The following SMOC2 variants were observed in gnomAD, a reference collection of about 807,000 sequenced individuals.
The protein encoded by SMOC2 is SPARC related modular calcium binding 2.
Under a neutral mutation model 61.4 loss-of-function variants are expected in SMOC2, and 39 were observed. The observed-to-expected ratio is 0.64, with a 90% CI of 0.49 to 0.83. SMOC2 has a LOEUF of 0.83. SMOC2 is among the 40% of genes least tolerant of loss of function. The probability of loss-of-function intolerance (pLI) is 0.00; values close to 1 mark genes in which losing one functional copy is unlikely to be tolerated. For missense variants in SMOC2, 556 were observed against 592.9 expected (o/e 0.94, Z 0.65); for synonymous variants, 247 against 239.9 (o/e 1.03, Z -0.27).
chr6:168,498,954 C>T (rs1334759490), intron 1 of SMOC2, among the ~76,000 whole-genome samples: 19 of 134,546 alleles, frequency 1.4e-4, no homozygotes, highest in East Asian at 2.2e-4. Flanking sequence ...GCCCTACGAG[C>T]CACAGTCTCT....
chr6:168,573,152 T>C (rs112565082), intron 7 of SMOC2, among the ~76,000 whole-genome samples: 11 of 4,664 alleles, frequency 2.4e-3, no homozygotes, highest in Admixed American at 2.0e-3. Flanking sequence ...GGTCCCTGAA[T>C]GCGATGTTCA....
chr6:168,554,552 C>G (rs184496999), intron 7 of SMOC2, among the ~76,000 whole-genome samples: 3 of 152,208 alleles, frequency 2.0e-5, no homozygotes, highest in African/African-American at 7.2e-5. Flanking sequence ...CGGAGGCCCC[C>G]CGTCTCAGGC....
chr6:168,551,856 A>T (rs556218008), intron 7 of SMOC2, among the ~76,000 whole-genome samples: 3 of 152,304 alleles, frequency 2.0e-5, no homozygotes, highest in African/African-American at 7.2e-5. Context: ...TCTGTGTCTC[A>T]CCTCTCACTT....
intron 1 of SMOC2, among the ~76,000 whole-genome samples, chr6:168,468,561 G>A (rs561094123): frequency 2.6e-5 from 4 of 152,324 alleles, no homozygotes; most frequent in South Asian, 2.1e-4. Context: ...TTGAGACTGA[G>A]TCTCGCTTTA....
intron 1 of SMOC2, among the ~76,000 whole-genome samples, chr6:168,485,289 A>C (rs1782304769): frequency 6.6e-6 from 1 of 152,222 alleles, no homozygotes. Context: ...GTTTAATCAG[A>C]GTTCTCTTAT....
At chr6:168,510,129 A>G (rs1782972747) in intron 2 of SMOC2, 43 bp downstream of exon 2, 2 of 1,569,558 alleles carry the variant, frequency 1.3e-6, no homozygotes, top group Non-Finnish European at 1.7e-6. Flanking sequence ...GGGTACATCC[A>G]TCATCAAAAT....
intron 7 of SMOC2, among the ~76,000 whole-genome samples, chr6:168,577,225 C>T (rs755603356): frequency 1.3e-5 from 2 of 152,114 alleles, no homozygotes; most frequent in Non-Finnish European, 2.9e-5. Flanking sequence ...ATGCCTTATT[C>T]CATCTAAACA....
intron 8 of SMOC2, 142 bp from the exon 9 acceptor site, chr6:168,608,015 G>A (rs1785755509): frequency 1.5e-6 from 1 of 683,444 alleles, no homozygotes; most frequent in Admixed American, 2.9e-5. Context: ...AAAGGAGTGA[G>A]GAGGTCATGG....
At chr6:168,628,124 A>G (rs1039114014) in intron 9 of SMOC2, among the ~76,000 whole-genome samples, 1 of 152,190 alleles carries the variant, frequency 6.6e-6, no homozygotes, top group Non-Finnish European at 1.5e-5. Flanking sequence ...GTGGCCCCCT[A>G]GGTTTGCCAT....
chr6:168,512,536 T>G (rs1225048950), intron 2 of SMOC2, among the ~76,000 whole-genome samples: 1 of 152,232 alleles, frequency 6.6e-6, no homozygotes. Context: ...AGTAAAAAAT[T>G]ATTTGATTCA....
chr6:168,629,151 G>A (rs372925787), intron 9 of SMOC2, among the ~76,000 whole-genome samples: 2 of 152,228 alleles, frequency 1.3e-5, no homozygotes, highest in Admixed American at 1.3e-4. Context: ...TGCTGTTCCT[G>A]GAGTTTTGTG....
At chr6:168,450,411 CA>C (rs1781434000) in intron 1 of SMOC2, among the ~76,000 whole-genome samples, 1 of 152,190 alleles carries the variant, frequency 6.6e-6, no homozygotes, top group African/African-American at 2.4e-5. Flanking sequence ...AATGAATCAA[CA>C]GGAACGGACA....
intron 9 of SMOC2, among the ~76,000 whole-genome samples, chr6:168,617,124 G>A (rs1247551092): frequency 6.6e-6 from 1 of 152,190 alleles, no homozygotes; most frequent in African/African-American, 2.4e-5. Flanking sequence ...ATTTCTTTTG[G>A]CTGATATTTT....
intron 1 of SMOC2, among the ~76,000 whole-genome samples, chr6:168,494,519 C>G (rs147159255): frequency 6.6e-6 from 1 of 152,336 alleles, no homozygotes; most frequent in African/African-American, 2.4e-5. Context: ...GATAAATGAA[C>G]ACACACAGCA....
rs1787236610 is a variant in SMOC2 at position 168,653,049 on chromosome 6, A to AG, written c.1106_1107insG (p.Glu371GlyfsTer24). 6.2e-7 allele frequency: 1 copy of AG among 1,614,196 alleles called. No individual in the cohort carries two copies. Among genetic ancestry groups the AG allele is most frequent in the African/African-American group, 1.3e-5 (1 of 75,038 alleles). On this transcript the variant is annotated frameshift_variant, in exon 11 of 13. Coordinates refer to ENST00000356284, the MANE Select transcript of SMOC2 (RefSeq NM_001166412.2). LOFTEE classifies it high-confidence loss of function. ...AAAAACTCCAGTGGAGACATCGGCA[A>AG]AAAGGAAATCAAACCCTTCAAGAGG...
At chr6:168,600,437 A>G in intron 8 of SMOC2, among the ~76,000 whole-genome samples, 1 of 124,878 alleles carries the variant, frequency 8.0e-6, no homozygotes, top group Admixed American at 8.2e-5. Context: ...AAAAAAACAA[A>G]AAAAAAAACA....
At chr6:168,590,827 T>C (rs376146463) in intron 7 of SMOC2, among the ~76,000 whole-genome samples, 1 of 152,224 alleles carries the variant, frequency 6.6e-6, no homozygotes, top group African/African-American at 2.4e-5. Context: ...GGTTGTCAGA[T>C]TATTTGAACA....
intron 9 of SMOC2, among the ~76,000 whole-genome samples, chr6:168,632,636 G>T (rs918248405): frequency 6.6e-6 from 1 of 152,158 alleles, no homozygotes; most frequent in African/African-American, 2.4e-5. Context: ...TTTGAGCTAT[G>T]ATTTTTTGAA....
At chr6:168,613,644 C>T (rs561414078) in intron 9 of SMOC2, among the ~76,000 whole-genome samples, 1 of 150,712 alleles carries the variant, frequency 6.6e-6, no homozygotes, top group Non-Finnish European at 1.5e-5. Context: ...TTCACACCTA[C>T]AGCCAGCACA....
Sources: allele counts gnomAD v4.1 joint callset (sites outside exome capture counted in the v4.1 genomes callset), GRCh38; gene constraint gnomAD v4.1.1; transcripts MANE v1.5; gene names NCBI Gene and HGNC (gene_info 2026-07-23, HGNC 2026-07-21).